ANKRD11: variants seen among roughly 807,000 people sequenced by gnomAD.
The protein encoded by ANKRD11 is ankyrin repeat domain 11.
In ANKRD11, 17 loss-of-function variants were observed where a neutral mutation model predicts 195.7. The observed-to-expected ratio is 0.09, with a 90% CI of 0.06 to 0.13. ANKRD11 has a LOEUF of 0.13. Among genes scored for constraint, ANKRD11 ranks in the 10% least tolerant of loss-of-function variants. ANKRD11 has a pLI of 1.00. For missense variants in ANKRD11, 3,735 were observed against 3,566.1 expected, an observed-to-expected ratio of 1.05 and a Z score of -1.21; for synonymous variants, 1,953 against 1,528.1, an observed-to-expected ratio of 1.28 and a Z score of -6.49.
intron 1 of ANKRD11, among the ~76,000 whole-genome samples, chr16:89,475,582 T>C (rs1391383212): frequency 6.6e-6 from 1 of 152,198 alleles, no homozygotes; most frequent in Non-Finnish European, 1.5e-5. Context: ...ACACAAAAGA[T>C]AATTTTTCCT....
In ANKRD11 at chr16:89,281,100, G is replaced by A. The variant is rs763598443; in HGVS notation, c.5442C>T (p.Ser1814=). 3.5e-5 allele frequency: 57 copies of A among 1,610,680 alleles called. No homozygotes were observed. The highest frequency in any genetic ancestry group is 3.3e-5 in the Non-Finnish European group (39 of 1,177,324). ...SVGDKLFRQQ[S]VPAASSYDSP... is the part of the protein sequence containing the mutation. ...AGTCGTAGCTGGAGGCAGCAGGAAC[G>A]CTCTGCTGCCTGAAGAGCTTGTCTC... The change falls in exon 9 of 13, where the codon AGC becomes AGT. Residue 1814 remains serine, a synonymous_variant. Transcript: ENST00000301030. The surrounding 1 kb of genome is among the most constrained non-coding windows in gnomAD (Gnocchi z 5.5).
Position 89,285,549 on chromosome 16 carries a change from G to A in ANKRD11, c.993C>T (p.Ala331=), listed in dbSNP as rs370242983. ...SEFEKGLKHK[A]KNPEPQKATA... ...TGGCCTTCTGTGGCTCTGGGTTCTT[G>A]GCCTTGTGCTTGAGGCCTTTTTCGA... Residue 331 remains alanine, a synonymous_variant, in exon 9 of 13, where the codon GCC becomes GCT. Transcript: ENST00000301030. The surrounding 1 kb of genome is among the most constrained non-coding windows in gnomAD (Gnocchi z 5.6). 1.9e-6 allele frequency: 3 copies of A among 1,613,978 alleles called. No homozygotes were observed. The highest frequency in any genetic ancestry group is 1.6e-4 in the Middle Eastern group (1 of 6,084).
At chr16:89,396,531 C>T (rs1267032219) in intron 2 of ANKRD11, among the ~76,000 whole-genome samples, 1 of 152,180 alleles carries the variant, frequency 6.6e-6, no homozygotes, top group Admixed American at 6.5e-5. Context: ...TTCCATTTTC[C>T]CACTAGATTT....
chr16:89,352,867 C>A (rs1344336473), intron 2 of ANKRD11, among the ~76,000 whole-genome samples: 1 of 152,214 alleles, frequency 6.6e-6, no homozygotes, highest in African/African-American at 2.4e-5. Flanking sequence ...TTGTCCTTTC[C>A]CTCTTTTCTC....
At chr16:89,391,881 T>A (rs921823863) in intron 2 of ANKRD11, among the ~76,000 whole-genome samples, 1 of 152,270 alleles carries the variant, frequency 6.6e-6, no homozygotes, top group Non-Finnish European at 1.5e-5. Context: ...ATGTACTTTA[T>A]GTTCTTAGCT....
In ANKRD11 at chr16:89,424,175, C is replaced by T. The variant is rs181895357; in HGVS notation, c.-144-5807G>A. On this transcript the variant is annotated intron_variant, in intron 1 of 12. Coordinates refer to ENST00000301030, the MANE Select transcript of ANKRD11 (RefSeq NM_013275.6). ...TTAAAAATCTTGCTTCCTGGCTGGG[C>T]GCAGTGGCTCACACCTATAATCCCA... is the stretch of plus-strand genomic sequence containing the variant. Among the ~76,000 whole-genome samples, 219 of 152,280 alleles carry T rather than the reference C, an allele frequency of 1.4e-3. 1 individual carries two copies. The highest frequency in any genetic ancestry group is 4.8e-3 in the African/African-American group (198 of 41,536).
intron 1 of ANKRD11, among the ~76,000 whole-genome samples, chr16:89,446,619 C>A (rs1461700125): frequency 6.6e-6 from 1 of 151,976 alleles, no homozygotes. Context: ...AAAACAAAAA[C>A]CAAAAAAAAC....
chr16:89,282,406 T>C lies in ANKRD11; in HGVS notation c.4136A>G (p.Asp1379Gly), dbSNP rs1332796115. Reference sequence around the variant, plus strand: ...CTTCCTGCTACCGCCCTCCTTGTAATCTTCGCCCTTCTCTTTCTTCTCGGC... The same window carrying C: ...CTTCCTGCTACCGCCCTCCTTGTAACCTTCGCCCTTCTCTTTCTTCTCGGC... ...EKAEKKEKGE[D>G]YKEGGSRKDS... Residue 1379 changes from aspartate to glycine, a missense_variant, in exon 9 of 13, where the codon GAT becomes GGT. By Grantham distance (94) the Asp-to-Gly change is moderately conservative (BLOSUM62 -1). Transcript: ENST00000301030. 1.6e-5 allele frequency: 26 copies of C among 1,614,038 alleles called. No homozygotes were observed. Among genetic ancestry groups the C allele is most frequent in the Non-Finnish European group, 2.2e-5 (26 of 1,180,038 alleles).
In ANKRD11 at chr16:89,279,484, G is replaced by A. The variant is rs867650813; in HGVS notation, c.7058C>T (p.Pro2353Leu). The change falls in exon 9 of 13, where the codon CCC (proline) becomes CTC (leucine). Residue 2353 changes from proline to leucine, a missense_variant. Pro to Leu is a moderately conservative substitution (Grantham distance 98). Coordinates refer to ENST00000301030, the MANE Select transcript of ANKRD11 (RefSeq NM_013275.6). The surrounding 1 kb of genome is among the most constrained non-coding windows in gnomAD (Gnocchi z 5.6). ...MLANQSKQGP[P>L]PSEKECAPTP... is the part of the protein sequence containing the mutation. ...GGGGGCGCACTCCTTCTCGGAGGGGGGCGGGCCCTGCTTGCTCTGGTTCGC... is the reference window on the plus strand; with the variant it reads ...GGGGGCGCACTCCTTCTCGGAGGGGAGCGGGCCCTGCTTGCTCTGGTTCGC... 8.8e-6 allele frequency: 12 copies of A among 1,363,598 alleles called. No homozygotes were observed. In the South Asian group the frequency reaches 9.0e-5, roughly 10 times the overall value. 84.5% of individuals were successfully genotyped at this position (1,363,598 alleles called of 1,614,324 possible).
At chr16:89,484,023 G>A (rs924081710) in intron 1 of ANKRD11, among the ~76,000 whole-genome samples, 2 of 152,162 alleles carry the variant, frequency 1.3e-5, no homozygotes, top group Non-Finnish European at 2.9e-5. Context: ...AATCAACTGT[G>A]GGGCTGTGGA....
At chr16:89,274,777 C>A in intron 11 of ANKRD11, 37 bp downstream of exon 11, 1 of 1,604,822 alleles carries the variant, frequency 6.2e-7, no homozygotes, top group South Asian at 1.1e-5. Flanking sequence ...GGTGCAGGCA[C>A]TTGGACTCAT....
At chr16:89,447,067 CACTGCATGAAAGCCACCGAGCACGTG>C (rs1169317569) in intron 1 of ANKRD11, among the ~76,000 whole-genome samples, 2 of 152,086 alleles carry the variant, frequency 1.3e-5, no homozygotes, top group East Asian at 3.9e-4. Context: ...CCTACGAAGA[CACTGCATGAAAGCCACCGAGCACGTG>C]ACTGCATGAC....
intron 1 of ANKRD11, among the ~76,000 whole-genome samples, chr16:89,444,461 G>C (rs1011749): frequency 0.49 from 74,548 of 151,064 alleles, 18,649 homozygotes; most frequent in Middle Eastern, 0.66. Context: ...GGGCGGTCGG[G>C]GGGGTGGAGT....
intron 1 of ANKRD11, among the ~76,000 whole-genome samples, chr16:89,486,447 C>T (rs1409908274): frequency 9.7e-6 from 1 of 103,362 alleles, no homozygotes; most frequent in Admixed American, 1.0e-4. Context: ...GACCCTGCCT[C>T]AAAAAAAAAA....
chr16:89,326,986 C>T (rs12444066), intron 2 of ANKRD11, among the ~76,000 whole-genome samples: 8,523 of 150,740 alleles, frequency 0.057, 351 homozygotes, highest in Middle Eastern at 0.11. Context: ...CTGGGCAATG[C>T]AGAGGTGGGG....
intron 1 of ANKRD11, among the ~76,000 whole-genome samples, chr16:89,430,749 T>G (rs992563766): frequency 2.6e-5 from 4 of 152,228 alleles, no homozygotes; most frequent in African/African-American, 9.6e-5. Flanking sequence ...TAATGCAACC[T>G]GATGGCCGGC....
At chr16:89,310,538 G>A (rs1372770184) in intron 3 of ANKRD11, among the ~76,000 whole-genome samples, 2 of 152,140 alleles carry the variant, frequency 1.3e-5, no homozygotes, top group Non-Finnish European at 2.9e-5. Flanking sequence ...GGAGAGAGAT[G>A]GCATCCAGTT....
Position 89,281,169 on chromosome 16 carries a change from G to A in ANKRD11, c.5373C>T (p.Val1791=), listed in dbSNP as rs1345958609. Residue 1791 remains valine, a synonymous_variant, in exon 9 of 13, where the codon GTC becomes GTT. Transcript: ENST00000301030. This position sits in a 1 kb window ranked among gnomAD's most constrained non-coding sequence, Gnocchi z 5.5. The stretch of plus-strand genomic sequence containing the variant: ...CGGGGGTCCTCCTAATGTCGACAGA[G>A]ACCGAGCGGTAAAGGTTTGTGGAGA... ...RPLSTNLYRS[V]SVDIRRTPEE... 2.5e-6 allele frequency: 4 copies of A among 1,614,202 alleles called. No homozygotes were observed. The highest frequency in any genetic ancestry group is 1.7e-5 in the Admixed American group (1 of 60,030).
intron 2 of ANKRD11, among the ~76,000 whole-genome samples, chr16:89,388,146 A>G (rs895255114): frequency 2.0e-5 from 3 of 152,138 alleles, no homozygotes; most frequent in Admixed American, 1.3e-4. Flanking sequence ...CATCATACAT[A>G]AACATAACCA....
Sources: gnomAD v4.1 joint callset for allele counts (sites outside exome capture counted in the v4.1 genomes callset) on GRCh38, gnomAD v4.1.1 for gene constraint, Gnocchi (gnomAD v3.1) non-coding constraint, MANE v1.5 for transcripts, NCBI Gene and HGNC (gene_info 2026-07-23, HGNC 2026-07-21) for gene names.